The following IQUB variants were observed in gnomAD, a reference collection of about 807,000 sequenced individuals.
IQUB encodes the protein IQ motif and ubiquitin domain containing, also known as IQ motif and ubiquitin-like domain-containing protein.
In IQUB, 86 loss-of-function variants were observed where a neutral mutation model predicts 86.4. The ratio of observed to expected loss-of-function variants is 1.00; its 90% CI spans 0.84 to 1.19. The LOEUF (loss-of-function observed/expected upper bound fraction) is 1.19. Among genes scored for constraint, IQUB ranks in the 50% most tolerant of loss-of-function variants. IQUB has a pLI of 0.00. For missense variants in IQUB, 946 were observed against 916.9 expected (o/e 1.03, Z -0.41); for synonymous variants, 289 against 304.5 (o/e 0.95, Z 0.53).
chr7:123,465,134 A>C, intron 9 of IQUB, 125 bp from the exon 10 acceptor site: 1 of 634,650 alleles, frequency 1.6e-6, no homozygotes, highest in Non-Finnish European at 2.7e-6. Flanking sequence ...ATAGGAGTAT[A>C]AATTGGCAAA....
chr7:123,497,506 T>A (rs1343677584), intron 6 of IQUB, among the ~76,000 whole-genome samples: 1 of 152,114 alleles, frequency 6.6e-6, no homozygotes, highest in Admixed American at 6.6e-5. Context: ...TATTAACTTG[T>A]ATGAAACATG....
At chr7:123,490,646 T>C (rs1318411291) in intron 7 of IQUB, among the ~76,000 whole-genome samples, 8 of 152,202 alleles carry the variant, frequency 5.3e-5, no homozygotes. Flanking sequence ...TTCTAGTTGT[T>C]AAAATAAGTA....
At chr7:123,504,716 AC>A (rs1796099927) in intron 3 of IQUB, among the ~76,000 whole-genome samples, 2 of 152,300 alleles carry the variant, frequency 1.3e-5, no homozygotes, top group African/African-American at 4.8e-5. Flanking sequence ...CTCTCCTCCA[AC>A]ACTGAGGATT....
In IQUB at chr7:123,461,624, A is replaced by C; in HGVS notation, c.1759-19T>G. 1 of 1,540,046 alleles carries C rather than the reference A, an allele frequency of 6.5e-7. No individual in the cohort carries two copies. Among genetic ancestry groups the C allele is most frequent in the Non-Finnish European group, 8.7e-7 (1 of 1,145,508 alleles). Reference sequence around the variant, plus strand: ...GAGGGACCTAAATAAATAGTAAAAAAAGAAAAAAAAGGTCTAAAAAGCCAG... The same window carrying C: ...GAGGGACCTAAATAAATAGTAAAAACAGAAAAAAAAGGTCTAAAAAGCCAG... On this transcript the variant is annotated intron_variant, in intron 10 of 12. Coordinates refer to ENST00000324698, the MANE Select transcript of IQUB (RefSeq NM_178827.5).
chr7:123,515,961 G>T (rs1267492367), intron 1 of IQUB, among the ~76,000 whole-genome samples: 1 of 152,158 alleles, frequency 6.6e-6, no homozygotes, highest in African/African-American at 2.4e-5. Flanking sequence ...TTTTTTACGT[G>T]ATGGAAACAC....
chr7:123,482,731 A>G (rs1795061505), intron 7 of IQUB, among the ~76,000 whole-genome samples: 1 of 152,046 alleles, frequency 6.6e-6, no homozygotes, highest in South Asian at 2.1e-4. Flanking sequence ...AAAAACTGTA[A>G]TGTTTGTAAT....
chr7:123,512,154 GC>G lies in IQUB; in HGVS notation c.186del (p.Glu62AspfsTer54). The G allele has an allele frequency of 6.2e-7, 1 of 1,613,904 alleles. No individual in the cohort carries two copies. Among genetic ancestry groups the G allele is most frequent in the Non-Finnish European group, 8.5e-7 (1 of 1,179,862 alleles). On this transcript the variant is annotated frameshift_variant, in exon 2 of 13. Coordinates refer to ENST00000324698, the MANE Select transcript of IQUB (RefSeq NM_178827.5). LOFTEE classifies it high-confidence loss of function. The stretch of plus-strand genomic sequence containing the variant: ...AGGCTTGAAAAGCTTTGGTCACTCT[GC>G]TCCTCAACATGTATTGCATGGCTCT... Reference protein sequence around the residue: ...FSESHAIHVEEQSDQSFSSLE... With the variant: ...FSESHAIHVEXQSDQSFSSLE...
intron 7 of IQUB, among the ~76,000 whole-genome samples, chr7:123,491,950 G>T (rs1264809156): frequency 1.3e-5 from 2 of 152,254 alleles, no homozygotes; most frequent in South Asian, 4.1e-4. Context: ...AATACATAAA[G>T]ACAAGGCATT....
intron 8 of IQUB, among the ~76,000 whole-genome samples, chr7:123,478,537 T>A (rs1277073357): frequency 1.3e-5 from 2 of 152,070 alleles, no homozygotes; most frequent in African/African-American, 4.8e-5. Flanking sequence ...AACCTGCATG[T>A]TCTGCACATG....
chr7:123,505,856 C>T (rs951049715), intron 3 of IQUB, among the ~76,000 whole-genome samples: 3 of 152,194 alleles, frequency 2.0e-5, no homozygotes, highest in African/African-American at 7.2e-5. Context: ...TTCTTTTCTA[C>T]CAAATGATCA....
intron 7 of IQUB, among the ~76,000 whole-genome samples, chr7:123,484,871 C>A (rs1238604457): frequency 6.6e-6 from 1 of 152,000 alleles, no homozygotes; most frequent in Admixed American, 6.6e-5. Flanking sequence ...CCCTGTAAAT[C>A]TATAGTAAGG....
chr7:123,472,762 C>A (rs1282048499), intron 8 of IQUB, among the ~76,000 whole-genome samples: 1 of 152,192 alleles, frequency 6.6e-6, no homozygotes, highest in African/African-American at 2.4e-5. Context: ...CAAGCCTAGG[C>A]TTTTTTGATT....
rs759756383 is a variant in IQUB, at chr7:123,503,094, T to A, written c.717A>T (p.Val239=). The A allele has an allele frequency of 6.2e-7, 1 of 1,612,916 alleles. No homozygotes were observed. Among genetic ancestry groups the A allele is most frequent in the Non-Finnish European group, 8.5e-7 (1 of 1,179,594 alleles). ...VQTGLDQYQQ[V]PVEIVKSDFH... Reference sequence around the variant, plus strand: ...AGTCAGATTTGACAATCTCAACAGGTACCTGCTGGTATTGATCAAGTCCTG... The same window carrying A: ...AGTCAGATTTGACAATCTCAACAGGAACCTGCTGGTATTGATCAAGTCCTG... The change falls in exon 5 of 13, where the codon GTA becomes GTT. Residue 239 remains valine, a synonymous_variant. Coordinates refer to ENST00000324698, the MANE Select transcript of IQUB (RefSeq NM_178827.5).
At chr7:123,483,030 T>C (rs1267331269) in intron 7 of IQUB, among the ~76,000 whole-genome samples, 1 of 152,130 alleles carries the variant, frequency 6.6e-6, no homozygotes, top group Admixed American at 6.6e-5. Flanking sequence ...CCAGGTTTTT[T>C]TGGATTTTCT....
At chr7:123,458,876 A>ATCT (rs1010704086) in intron 11 of IQUB, among the ~76,000 whole-genome samples, 30 of 151,990 alleles carry the variant, frequency 2.0e-4, no homozygotes, top group African/African-American at 7.0e-4. Flanking sequence ...CAACACTCAA[A>ATCT]TCTCTTGTCT....
intron 9 of IQUB, among the ~76,000 whole-genome samples, chr7:123,465,545 A>AT (rs1312644978): frequency 6.6e-6 from 1 of 151,994 alleles, no homozygotes; most frequent in Non-Finnish European, 1.5e-5. Flanking sequence ...AGGTCACAAT[A>AT]TTTTTTATAA....
chr7:123,485,316 TTCTTA>T (rs1242027355), intron 7 of IQUB, among the ~76,000 whole-genome samples: 2 of 152,124 alleles, frequency 1.3e-5, no homozygotes, highest in Non-Finnish European at 2.9e-5. Flanking sequence ...TAATCTCCTC[TTCTTA>T]TAAGTACACC....
intron 11 of IQUB, 39 bp downstream of exon 11, chr7:123,461,318 C>G (rs1793969311): frequency 6.4e-7 from 1 of 1,558,916 alleles, no homozygotes; most frequent in African/African-American, 1.4e-5. Flanking sequence ...GCCTCCTTGA[C>G]AAGCTTCAGC....
At chr7:123,521,527 A>G (rs1419878170) in intron 1 of IQUB, among the ~76,000 whole-genome samples, 1 of 152,080 alleles carries the variant, frequency 6.6e-6, no homozygotes, top group African/African-American at 2.4e-5. Context: ...CGCACCTGCA[A>G]TTCTAATTAC....
Sources: allele counts gnomAD v4.1 joint callset (sites outside exome capture counted in the v4.1 genomes callset), GRCh38; gene constraint gnomAD v4.1.1; transcripts MANE v1.5; gene names NCBI Gene and HGNC (gene_info 2026-07-23, HGNC 2026-07-21).